Variants in LMCD1 observed in about 807,000 individuals in gnomAD.
LMCD1 encodes the protein LIM and cysteine rich domains 1, also known as LIM and cysteine-rich domains protein 1.
In LMCD1, 32 loss-of-function variants were observed where a neutral mutation model predicts 42.7. That is an observed-to-expected ratio of 0.75 (90% CI 0.57 to 1.01). The LOEUF (loss-of-function observed/expected upper bound fraction) is 1.01. Among genes scored for constraint, LMCD1 ranks in the 50% least tolerant of loss-of-function variants. LMCD1 has a pLI of 0.00. For missense variants in LMCD1, 458 were observed against 483.1 expected (o/e 0.95, Z 0.49); for synonymous variants, 178 against 184.9 (o/e 0.96, Z 0.30).
chr3:8,520,628 G>A (rs1304218097), intron 1 of LMCD1, among the ~76,000 whole-genome samples: 1 of 152,190 alleles, frequency 6.6e-6, no homozygotes, highest in Non-Finnish European at 1.5e-5. Context: ...GATGCTGGTG[G>A]CTTTACTACA....
intron 4 of LMCD1, among the ~76,000 whole-genome samples, chr3:8,558,536 A>G (rs921177494): frequency 6.6e-6 from 1 of 152,248 alleles, no homozygotes; most frequent in African/African-American, 2.4e-5. Context: ...CAAATGTTGG[A>G]AACGTTCTCA....
chr3:8,513,324 C>T (rs114616190), intron 1 of LMCD1, among the ~76,000 whole-genome samples: 161 of 152,252 alleles, frequency 1.1e-3, no homozygotes, highest in Non-Finnish European at 1.9e-3. Flanking sequence ...ATGGCCAGCA[C>T]GCATCCCCCA....
intron 3 of LMCD1, among the ~76,000 whole-genome samples, chr3:8,543,204 C>T (rs1694662197): frequency 6.6e-6 from 1 of 152,156 alleles, no homozygotes; most frequent in South Asian, 2.1e-4. Context: ...CAAGGCTACA[C>T]CCTAACGCAT....
chr3:8,551,960 G>A (rs770407559), intron 4 of LMCD1, among the ~76,000 whole-genome samples: 2 of 152,222 alleles, frequency 1.3e-5, no homozygotes, highest in Non-Finnish European at 1.5e-5. Context: ...GAGAATAAAG[G>A]TGTGGGGAAG....
At chr3:8,544,274 A>C (rs771881994) in intron 3 of LMCD1, among the ~76,000 whole-genome samples, 4 of 152,152 alleles carry the variant, frequency 2.6e-5, no homozygotes, top group Non-Finnish European at 5.9e-5. Context: ...ATACTTTCTC[A>C]GTCTGACATA....
intron 3 of LMCD1, among the ~76,000 whole-genome samples, chr3:8,545,077 G>A (rs1574966670): frequency 6.6e-6 from 1 of 152,130 alleles, no homozygotes; most frequent in East Asian, 1.9e-4. Flanking sequence ...ATATTAATGG[G>A]GAAATGTTAC....
chr3:8,506,387 A>C (rs1353648448), intron 1 of LMCD1, among the ~76,000 whole-genome samples: 1 of 152,186 alleles, frequency 6.6e-6, no homozygotes, highest in African/African-American at 2.4e-5. Context: ...GACAAGGATG[A>C]AAAAAGAATA....
At chr3:8,551,316 G>C (rs1369280187) in intron 4 of LMCD1, 119 of 985,274 alleles carry the variant, frequency 1.2e-4, no homozygotes, top group Non-Finnish European at 1.4e-4. Context: ...GATCTATTTG[G>C]ATGGCCAATT....
intron 3 of LMCD1, among the ~76,000 whole-genome samples, chr3:8,540,017 C>T (rs1694592739): frequency 6.6e-6 from 1 of 151,788 alleles, no homozygotes; most frequent in African/African-American, 2.4e-5. Context: ...GTTCCCCATC[C>T]TGTGTCCAAG....
chr3:8,504,865 C>T (rs1693846317), intron 1 of LMCD1, among the ~76,000 whole-genome samples: 1 of 152,170 alleles, frequency 6.6e-6, no homozygotes, highest in Non-Finnish European at 1.5e-5. Context: ...TGGATTTGTT[C>T]TTGTTTATTA....
At chr3:8,542,400 C>T (rs1054763279) in intron 3 of LMCD1, among the ~76,000 whole-genome samples, 1 of 152,160 alleles carries the variant, frequency 6.6e-6, no homozygotes, top group Admixed American at 6.5e-5. Context: ...AGCCCTGCAG[C>T]CACAGACACC....
intron 1 of LMCD1, among the ~76,000 whole-genome samples, chr3:8,503,652 G>A (rs548459441): frequency 5.9e-5 from 9 of 152,184 alleles, no homozygotes; most frequent in Non-Finnish European, 1.2e-4. Context: ...GGTGACTCAT[G>A]AGAATATCTG....
At chr3:8,516,624 G>A (rs975535698) in intron 1 of LMCD1, among the ~76,000 whole-genome samples, 5 of 152,132 alleles carry the variant, frequency 3.3e-5, no homozygotes, top group African/African-American at 1.2e-4. Context: ...GCACCTCTCA[G>A]TGCTTTATAA....
intron 3 of LMCD1, among the ~76,000 whole-genome samples, chr3:8,538,740 C>G (rs1020281112): frequency 2.6e-5 from 4 of 152,182 alleles, no homozygotes; most frequent in Admixed American, 6.5e-5. Flanking sequence ...GTTTCTTTAA[C>G]AACTTTTATT....
chr3:8,540,431 C>T (rs138464078), intron 3 of LMCD1, among the ~76,000 whole-genome samples: 146 of 152,370 alleles, frequency 9.6e-4, no homozygotes, highest in African/African-American at 3.2e-3. Flanking sequence ...TCATTACCCT[C>T]AGCTACAAAG....
intron 1 of LMCD1, among the ~76,000 whole-genome samples, chr3:8,529,141 C>T (rs1694356014): frequency 6.6e-6 from 1 of 152,174 alleles, no homozygotes. Context: ...ACCAGAGTAT[C>T]TCACTTGGGA....
In LMCD1 at chr3:8,573,394, A is replaced by T. The variant is rs1174581596; in HGVS notation, c.*5796A>T. The T allele has an allele frequency of 6.6e-6, 1 of 152,210 alleles. No homozygotes were observed. Among genetic ancestry groups the T allele is most frequent in the Non-Finnish European group, 1.5e-5 (1 of 68,034 alleles). 9.4% of individuals were successfully genotyped at this position (152,210 alleles called of 1,614,324 possible). The stretch of plus-strand genomic sequence containing the variant: ...TTATTTTTTGTGGTGAGAACATTTT[A>T]AAAATATTGTCTTAGCAATTTTCAA... On this transcript the variant is annotated 3_prime_UTR_variant, in exon 6 of 6. Transcript: ENST00000157600.
intron 2 of LMCD1, among the ~76,000 whole-genome samples, chr3:8,534,325 A>G (rs1035735472): frequency 1.3e-5 from 2 of 152,036 alleles, no homozygotes; most frequent in Non-Finnish European, 2.9e-5. Flanking sequence ...CCAGTTGTTC[A>G]GGAAGAGAGG....
chr3:8,565,320 T>A, intron 4 of LMCD1, 112 bp from the exon 5 acceptor site: 2 of 867,640 alleles, frequency 2.3e-6, no homozygotes, highest in Non-Finnish European at 3.8e-6. Context: ...AGAGGTATAG[T>A]GACTTGCCCA....
Sources: gnomAD v4.1 joint callset for allele counts (sites outside exome capture counted in the v4.1 genomes callset) on GRCh38, gnomAD v4.1.1 for gene constraint, MANE v1.5 for transcripts, NCBI Gene and HGNC (gene_info 2026-07-23, HGNC 2026-07-21) for gene names.